The following PDE11A variants were observed in gnomAD, a reference collection of about 807,000 sequenced individuals.
PDE11A encodes phosphodiesterase 11A.
PDE11A carries 100 observed loss-of-function variants against 100.5 expected under a neutral mutation model. The ratio of observed to expected loss-of-function variants is 1.00; its 90% confidence interval spans 0.85 to 1.18. PDE11A has a LOEUF of 1.18. PDE11A is among the 50% of genes most tolerant of loss of function. PDE11A has a pLI of 0.00. For synonymous variants in PDE11A, 381 were observed against 420.8 expected, an observed-to-expected ratio of 0.91 and a Z score of 1.16; for missense variants, 1,141 against 1,152.6, an observed-to-expected ratio of 0.99 and a Z score of 0.15.
chr2:177,877,230 T>C (rs76938086), intron 4 of PDE11A, among the ~76,000 whole-genome samples: 1,761 of 145,298 alleles, frequency 0.012, 102 homozygotes, highest in East Asian at 0.076. Context: ...AGTGGCCCAA[T>C]CTCGGCTCAT....
intron 5 of PDE11A, among the ~76,000 whole-genome samples, chr2:177,862,231 T>A (rs1574227548): frequency 6.6e-6 from 1 of 151,574 alleles, no homozygotes; most frequent in Non-Finnish European, 1.5e-5. Context: ...ATTAACACAA[T>A]TGAAAATGAT....
At position 177,675,527 on chromosome 2, in the gene PDE11A, C is replaced by T; in HGVS notation, c.2424-9G>A. ...CTGTCATTAACATTGATCTGAAAAACAGAACCAAACAAAACAGCCTGAATA... is the reference window on the plus strand; with the variant it reads ...CTGTCATTAACATTGATCTGAAAAATAGAACCAAACAAAACAGCCTGAATA... On this transcript the variant is annotated splice_polypyrimidine_tract_variant and intron_variant, in intron 16 of 19. Coordinates refer to ENST00000286063, the MANE Select transcript of PDE11A (RefSeq NM_016953.4). The T allele has an allele frequency of 2.5e-6, 4 of 1,610,808 alleles. No homozygotes were observed. The highest frequency in any genetic ancestry group is 2.5e-6 in the Non-Finnish European group (3 of 1,177,240).
Position 177,769,515 on chromosome 2 carries a change from G to C in PDE11A, c.1738-142C>G, listed in dbSNP as rs59069916. On this transcript the variant is annotated intron_variant, in intron 9 of 19. Coordinates refer to ENST00000286063, the MANE Select transcript of PDE11A (RefSeq NM_016953.4). ...TTTAATGTATGACAAGAAACAACAT[G>C]TCTAATAACATTCTCTGACATAATT... 6.3e-6 allele frequency: 4 copies of C among 639,630 alleles called. No homozygotes were observed. In the South Asian group the frequency reaches 7.3e-5, roughly 12 times the overall value. 39.6% of individuals were successfully genotyped at this position (639,630 alleles called of 1,614,324 possible).
intron 1 of PDE11A, among the ~76,000 whole-genome samples, chr2:178,048,214 C>T (rs2086776823): frequency 6.6e-6 from 1 of 152,002 alleles, no homozygotes; most frequent in Non-Finnish European, 1.5e-5. Context: ...TCAGAAGAAC[C>T]TTCTAACGGA....
chr2:177,779,076 G>A (rs1159082972), intron 9 of PDE11A, among the ~76,000 whole-genome samples: 1 of 152,204 alleles, frequency 6.6e-6, no homozygotes, highest in Non-Finnish European at 1.5e-5. Context: ...TAAAGTGAAT[G>A]TAGCATTAAA....
At chr2:177,639,587 A>C (rs2080108496) in intron 19 of PDE11A, among the ~76,000 whole-genome samples, 1 of 152,210 alleles carries the variant, frequency 6.6e-6, no homozygotes. Context: ...ATCTAGAATG[A>C]GCCACTTGGG....
chr2:177,789,652 C>A lies in PDE11A; in HGVS notation c.1738-20279G>T, dbSNP rs539291416. Among the ~76,000 whole-genome samples, 10 of 152,138 alleles carry A rather than the reference C, an allele frequency of 6.6e-5. No individual in the cohort carries two copies. The South Asian group carries it at 2.1e-3, about 32-fold the overall frequency. ...TATCTAGAAAACCCCATTGTCTCAG[C>A]CCAAAATCTTCTTAAGGTGATAAGC... On this transcript the variant is annotated intron_variant, in intron 9 of 19. Coordinates refer to ENST00000286063, the MANE Select transcript of PDE11A (RefSeq NM_016953.4).
chr2:177,996,545 CA>C (rs1324970581), intron 2 of PDE11A, among the ~76,000 whole-genome samples: 1 of 151,218 alleles, frequency 6.6e-6, no homozygotes, highest in African/African-American at 2.4e-5. Flanking sequence ...CATTTCTATT[CA>C]AATAGTAAGG....
intron 2 of PDE11A, among the ~76,000 whole-genome samples, chr2:177,934,202 T>C (rs546395660): frequency 6.6e-6 from 1 of 152,160 alleles, no homozygotes; most frequent in Non-Finnish European, 1.5e-5. Context: ...AAACAGACCC[T>C]ACACAATGGA....
At chr2:177,860,485 G>C (rs1346290438) in intron 5 of PDE11A, among the ~76,000 whole-genome samples, 3 of 151,688 alleles carry the variant, frequency 2.0e-5, no homozygotes, top group East Asian at 3.9e-4. Context: ...AAAAGCTCAG[G>C]AAGAGATGGC....
chr2:177,862,805 G>T (rs2083965399), intron 5 of PDE11A, among the ~76,000 whole-genome samples: 3 of 151,686 alleles, frequency 2.0e-5, no homozygotes, highest in Admixed American at 2.0e-4. Context: ...AATTCCACTG[G>T]CATTCTTACA....
In PDE11A at chr2:178,072,777, C is replaced by A. The variant is rs2087155621; in HGVS notation, c.-340G>T. ...CTGCTGCTGGAACTGCTGCTGTAAC[C>A]GGATGAGTGGACCGCTGTGACAGGG... On this transcript the variant is annotated 5_prime_UTR_variant, in exon 1 of 20. Coordinates refer to ENST00000286063, the MANE Select transcript of PDE11A (RefSeq NM_016953.4). 1.6e-6 allele frequency: 2 copies of A among 1,257,724 alleles called. No individual in the cohort carries two copies. The highest frequency in any genetic ancestry group is 2.0e-6 in the Non-Finnish European group (2 of 988,856). 77.9% of individuals were successfully genotyped at this position (1,257,724 alleles called of 1,614,324 possible). A position where few individuals can be genotyped will look rare whatever the true frequency, so the allele number is the denominator to read the frequency against.
chr2:178,041,369 G>A (rs966596448), intron 1 of PDE11A, among the ~76,000 whole-genome samples: 6 of 151,064 alleles, frequency 4.0e-5, no homozygotes, highest in Admixed American at 2.0e-4. Context: ...TCAGCCTCCC[G>A]AGTAGCTGGG....
rs199869465 is a variant in PDE11A at position 177,840,396 on chromosome 2, C to A, written c.1368-13G>T. ...GCTTTCTTTGAAACTATCAGAGCAC[C>A]AAGGTAGGCAGGAAGAAAAGAGAGA... is the stretch of plus-strand genomic sequence containing the variant. On this transcript the variant is annotated splice_polypyrimidine_tract_variant and intron_variant, in intron 5 of 19. Coordinates refer to ENST00000286063, the MANE Select transcript of PDE11A (RefSeq NM_016953.4). The A allele has an allele frequency of 7.4e-6, 12 of 1,612,840 alleles. No homozygotes were observed. Among genetic ancestry groups the A allele is most frequent in the Middle Eastern group, 1.7e-4 (1 of 6,052 alleles).
At chr2:177,815,449 T>C (rs2083022269) in intron 9 of PDE11A, among the ~76,000 whole-genome samples, 1 of 152,194 alleles carries the variant, frequency 6.6e-6, no homozygotes. Context: ...ATGCATCTTA[T>C]AGATACTGTT....
intron 2 of PDE11A, among the ~76,000 whole-genome samples, chr2:178,011,538 G>T (rs1179116097): frequency 2.0e-5 from 3 of 152,112 alleles, no homozygotes; most frequent in Non-Finnish European, 2.9e-5. Flanking sequence ...TCCTTCTCTG[G>T]GTGTGCCACC....
intron 2 of PDE11A, among the ~76,000 whole-genome samples, chr2:177,971,146 T>C (rs1413682533): frequency 6.6e-6 from 1 of 152,224 alleles, no homozygotes; most frequent in African/African-American, 2.4e-5. Context: ...CAAACATTGC[T>C]GTATAGAAAA....
chr2:177,744,172 G>C (rs963925771), intron 10 of PDE11A, among the ~76,000 whole-genome samples: 2 of 152,130 alleles, frequency 1.3e-5, no homozygotes, highest in Admixed American at 1.3e-4. Context: ...TGGAGGTATT[G>C]GGGGAAGGGA....
chr2:177,969,492 T>C (rs1293673793), intron 2 of PDE11A, among the ~76,000 whole-genome samples: 2 of 152,180 alleles, frequency 1.3e-5, no homozygotes, highest in African/African-American at 2.4e-5. Context: ...TTAATGTTGA[T>C]ATAAACACTC....
Sources: allele counts gnomAD v4.1 joint callset (sites outside exome capture counted in the v4.1 genomes callset), GRCh38; gene constraint gnomAD v4.1.1; transcripts MANE v1.5; gene names NCBI Gene and HGNC (gene_info 2026-07-23, HGNC 2026-07-21).